The following ANKRD31 variants were observed in gnomAD, a reference collection of about 807,000 sequenced individuals.
The protein encoded by ANKRD31 is ankyrin repeat domain 31.
Under a neutral mutation model 186.0 loss-of-function variants are expected in ANKRD31, and 147 were observed. The ratio of observed to expected loss-of-function variants is 0.79; its 90% confidence interval spans 0.69 to 0.91. The LOEUF is 0.91. Ranked by LOEUF, ANKRD31 falls within the 40% of genes least tolerant of loss-of-function variation. The pLI is 0.00. For missense variants in ANKRD31, 1,986 were observed against 2,148.8 expected (o/e 0.92, Z 1.50); for synonymous variants, 673 against 736.4 (o/e 0.91, Z 1.39).
chr5:75,071,467 G>GT (rs1438868380), intron 25 of ANKRD31, among the ~76,000 whole-genome samples: 1 of 149,848 alleles, frequency 6.7e-6, no homozygotes, highest in Non-Finnish European at 1.5e-5. Context: ...TTCAAGCACA[G>GT]TTTAACTGAC....
intron 17 of ANKRD31, among the ~76,000 whole-genome samples, chr5:75,124,864 T>A (rs1227643353): frequency 1.3e-5 from 2 of 151,982 alleles, no homozygotes; most frequent in Non-Finnish European, 2.9e-5. Flanking sequence ...AATTAATGAG[T>A]GCAATGTACA....
chr5:75,211,308 A>G (rs1756629505), intron 3 of ANKRD31, among the ~76,000 whole-genome samples: 1 of 152,198 alleles, frequency 6.6e-6, no homozygotes, highest in Non-Finnish European at 1.5e-5. Context: ...ATGTTGTGGC[A>G]TGTATCTGCA....
chr5:75,147,512 A>G lies in ANKRD31; in HGVS notation c.1906-7T>C, dbSNP rs1751559756. 3.2e-5 allele frequency: 45 copies of G among 1,409,498 alleles called. No individual in the cohort carries two copies. The highest frequency in any genetic ancestry group is 4.2e-5 in the Non-Finnish European group (45 of 1,080,694). 87.3% of individuals were successfully genotyped at this position (1,409,498 alleles called of 1,614,324 possible). On this transcript the variant is annotated splice_region_variant and splice_polypyrimidine_tract_variant and intron_variant, in intron 13 of 25. Coordinates refer to ENST00000506364, the MANE Select transcript of ANKRD31 (RefSeq NM_001372053.1). The stretch of plus-strand genomic sequence containing the variant: ...TAGAACTGAACTTTGGTTTCTATAG[A>G]AAAAAAATACATAGTTAGCTTTAAT...
intron 20 of ANKRD31, among the ~76,000 whole-genome samples, chr5:75,111,899 C>T (rs894131872): frequency 3.3e-5 from 5 of 152,168 alleles, no homozygotes; most frequent in African/African-American, 1.2e-4. Flanking sequence ...GTCACTGCTG[C>T]ACCACCTTCC....
At chr5:75,088,402 A>C (rs771527572) in intron 23 of ANKRD31, among the ~76,000 whole-genome samples, 2 of 152,236 alleles carry the variant, frequency 1.3e-5, no homozygotes, top group African/African-American at 2.4e-5. Flanking sequence ...ATAGCAGCCT[A>C]CTTTTCATCT....
intron 11 of ANKRD31, among the ~76,000 whole-genome samples, chr5:75,162,040 A>T (rs1352452340): frequency 2.6e-5 from 4 of 152,238 alleles, no homozygotes; most frequent in Non-Finnish European, 5.9e-5. Flanking sequence ...GAGCCCTCAC[A>T]GAGAGTCCCT....
intron 2 of ANKRD31, among the ~76,000 whole-genome samples, chr5:75,229,916 C>T (rs1364688227): frequency 6.7e-6 from 1 of 149,416 alleles, no homozygotes; most frequent in Non-Finnish European, 1.5e-5. Flanking sequence ...CCAGCAAGGG[C>T]CACTCTCTGT....
Position 75,146,959 on chromosome 5 carries a change from TA to T in ANKRD31, c.2451del (p.Asp817GlufsTer10). 3.9e-6 allele frequency: 6 copies of T among 1,536,392 alleles called. No individual in the cohort carries two copies. The highest frequency in any genetic ancestry group is 5.2e-6 in the Non-Finnish European group (6 of 1,146,340). On this transcript the variant is annotated frameshift_variant, in exon 14 of 26. Transcript: ENST00000506364. LOFTEE classifies it high-confidence loss of function. ...AATTCCAAGCATTGAACTTCTTGAC[TA>T]TCTGATAAATCCAGGTTCTGGATGT... ...EKHIQNLDLS[D>X]SQEVQCLELE... is the part of the protein sequence containing the mutation.
intron 17 of ANKRD31, among the ~76,000 whole-genome samples, chr5:75,128,340 T>G (rs1749424864): frequency 1.3e-5 from 1 of 75,254 alleles, no homozygotes; most frequent in African/African-American, 1.2e-4. Flanking sequence ...CAAACCACCA[T>G]GGCACATGTA....
At chr5:75,101,963 C>T (rs1002330190) in intron 22 of ANKRD31, among the ~76,000 whole-genome samples, 5 of 152,210 alleles carry the variant, frequency 3.3e-5, no homozygotes, top group East Asian at 1.9e-4. Context: ...AGCTTTGTTC[C>T]GTTGCTGTTG....
At chr5:75,077,248 T>C (rs1744716494) in intron 25 of ANKRD31, among the ~76,000 whole-genome samples, 1 of 152,118 alleles carries the variant, frequency 6.6e-6, no homozygotes. Context: ...TTTCCATTTT[T>C]AAAATAGAGA....
chr5:75,222,301 T>C lies in ANKRD31; in HGVS notation c.236A>G (p.Gln79Arg). 2 of 1,536,996 alleles carry C rather than the reference T, an allele frequency of 1.3e-6. No individual in the cohort carries two copies. Among genetic ancestry groups the C allele is most frequent in the Non-Finnish European group, 1.7e-6 (2 of 1,146,800 alleles). The change falls in exon 3 of 26, where the codon CAA (glutamine) becomes CGA (arginine). Residue 79 changes from glutamine to arginine, a missense_variant. Transcript: ENST00000506364. ...AGGCATCATCTTATTTTTATTCATT[T>C]GCTCTTGCAGATCCTCTCTGAGCTT... is the stretch of plus-strand genomic sequence containing the variant. The part of the protein sequence containing the change: ...GFKLREDLQE[Q>R]MNKNKMMPVL...
At chr5:75,185,585 A>G (rs1422972913) in intron 10 of ANKRD31, among the ~76,000 whole-genome samples, 7 of 152,084 alleles carry the variant, frequency 4.6e-5, no homozygotes, top group Admixed American at 1.3e-4. Flanking sequence ...GAAATGAAGA[A>G]TAAGTGATGG....
intron 18 of ANKRD31, among the ~76,000 whole-genome samples, chr5:75,117,790 T>C (rs1415890253): frequency 6.6e-6 from 1 of 152,160 alleles, no homozygotes; most frequent in Non-Finnish European, 1.5e-5. Context: ...TGCAAAAACT[T>C]CAGTATAATG....
At chr5:75,187,839 C>A (rs1452461942) in intron 10 of ANKRD31, among the ~76,000 whole-genome samples, 2 of 152,052 alleles carry the variant, frequency 1.3e-5, no homozygotes, top group Non-Finnish European at 2.9e-5. Context: ...CTAAACTGAG[C>A]AAGTTTAGAA....
intron 22 of ANKRD31, among the ~76,000 whole-genome samples, chr5:75,098,175 A>C (rs1746493542): frequency 6.6e-6 from 1 of 151,938 alleles, no homozygotes. Flanking sequence ...TTGTATTTTT[A>C]GTAGAGATGG....
At chr5:75,159,058 C>A (rs931307075) in intron 11 of ANKRD31, among the ~76,000 whole-genome samples, 1 of 151,684 alleles carries the variant, frequency 6.6e-6, no homozygotes. Flanking sequence ...AATGGAAATT[C>A]TGGAATTCAA....
intron 15 of ANKRD31, among the ~76,000 whole-genome samples, chr5:75,141,107 T>C (rs1260836976): frequency 6.6e-6 from 1 of 152,208 alleles, no homozygotes; most frequent in Non-Finnish European, 1.5e-5. Flanking sequence ...CATTAAACTT[T>C]GGGACAATCT....
chr5:75,141,221 T>C (rs1751022179), intron 15 of ANKRD31, among the ~76,000 whole-genome samples: 1 of 152,160 alleles, frequency 6.6e-6, no homozygotes, highest in Non-Finnish European at 1.5e-5. Flanking sequence ...TTGGGTTATA[T>C]GAATCACAGG....
Sources: allele counts gnomAD v4.1 joint callset (sites outside exome capture counted in the v4.1 genomes callset), GRCh38; gene constraint gnomAD v4.1.1; transcripts MANE v1.5; gene names NCBI Gene and HGNC (gene_info 2026-07-23, HGNC 2026-07-21).